Variants in DLG2 observed in about 807,000 individuals in gnomAD.
DLG2 encodes disks large homolog 2.
In DLG2, 45 loss-of-function variants were observed where a neutral mutation model predicts 132.5. The observed-to-expected ratio is 0.34, with a 90% CI of 0.27 to 0.44. The LOEUF (loss-of-function observed/expected upper bound fraction) is 0.44, where lower values mean the gene tolerates loss of function less well. DLG2 is among the 20% of genes least tolerant of loss of function. The probability of loss-of-function intolerance (pLI) is 1.00; values close to 1 mark genes in which losing one functional copy is unlikely to be tolerated. For synonymous variants in DLG2, 424 were observed against 419.6 expected (o/e 1.01, Z -0.13); for missense variants, 1,045 against 1,196.9 (o/e 0.87, Z 1.87).
At chr11:84,353,319 C>G (rs969594890) in intron 7 of DLG2, among the ~76,000 whole-genome samples, 14 of 152,146 alleles carry the variant, frequency 9.2e-5, no homozygotes, top group Admixed American at 1.3e-4. Context: ...AAACTGAACT[C>G]GCCTTCTTCC....
intron 3 of DLG2, among the ~76,000 whole-genome samples, chr11:85,320,329 G>T (rs1235607489): frequency 6.6e-6 from 1 of 151,900 alleles, no homozygotes; most frequent in Non-Finnish European, 1.5e-5. Context: ...AATTTTCAGA[G>T]CATGTAAGTA....
chr11:85,622,416 CT>C (rs1429163166), intron 2 of DLG2, among the ~76,000 whole-genome samples: 3 of 152,006 alleles, frequency 2.0e-5, no homozygotes, highest in Non-Finnish European at 2.9e-5. Context: ...CATATTCCCC[CT>C]CTTATTGATT....
At chr11:84,219,111 C>A (rs916752105) in intron 8 of DLG2, among the ~76,000 whole-genome samples, 13 of 152,198 alleles carry the variant, frequency 8.5e-5, no homozygotes, top group Admixed American at 6.5e-4. Flanking sequence ...GCTGACTCTA[C>A]CTTCAGAGAA....
intron 5 of DLG2, among the ~76,000 whole-genome samples, chr11:85,126,926 G>C (rs1453163272): frequency 6.6e-6 from 1 of 152,110 alleles, no homozygotes; most frequent in African/African-American, 2.4e-5. Flanking sequence ...TAGTAAAAGG[G>C]GAAACCATTA....
At chr11:83,478,733 A>C (rs2137070741) in intron 22 of DLG2, among the ~76,000 whole-genome samples, 2 of 152,166 alleles carry the variant, frequency 1.3e-5, no homozygotes, top group Middle Eastern at 6.8e-3. Context: ...CTTTTTCGAT[A>C]CCTGTGTCTA....
chr11:83,772,347 T>C (rs1276929481), intron 18 of DLG2, among the ~76,000 whole-genome samples: 1 of 150,668 alleles, frequency 6.6e-6, no homozygotes, highest in African/African-American at 2.4e-5. Context: ...GAGGTGGAAG[T>C]TGCACTGAGC....
At chr11:83,517,401 T>C (rs1359617273) in intron 21 of DLG2, among the ~76,000 whole-genome samples, 1 of 152,180 alleles carries the variant, frequency 6.6e-6, no homozygotes. Context: ...TCTGCATTGG[T>C]TATTCTAGCT....
chr11:84,778,576 C>T (rs532712274), intron 6 of DLG2, among the ~76,000 whole-genome samples: 50 of 152,158 alleles, frequency 3.3e-4, no homozygotes, highest in African/African-American at 9.4e-4. Context: ...TCTTCCAGTC[C>T]GTGAGAATGA....
At chr11:83,681,107 A>C (rs933159447) in intron 18 of DLG2, among the ~76,000 whole-genome samples, 1 of 152,172 alleles carries the variant, frequency 6.6e-6, no homozygotes, top group Non-Finnish European at 1.5e-5. Flanking sequence ...CATTTGAAAA[A>C]AATGTCCTTG....
intron 6 of DLG2, among the ~76,000 whole-genome samples, chr11:84,923,964 G>C (rs1199622117): frequency 6.6e-6 from 1 of 152,104 alleles, no homozygotes; most frequent in African/African-American, 2.4e-5. Flanking sequence ...GGTTGAAATG[G>C]AGACAGAAGA....
chr11:85,394,209 G>T (rs182604227), intron 3 of DLG2, among the ~76,000 whole-genome samples: 2 of 152,224 alleles, frequency 1.3e-5, no homozygotes, highest in East Asian at 3.9e-4. Flanking sequence ...TAAAACAAAT[G>T]AGGTAATATA....
In DLG2 at chr11:83,790,591, T is replaced by G; in HGVS notation, c.1723-3799A>C. ...TCAGCCATGTGGGCTTCTGTGCCAG[T>G]AAGTCCACTGAAGTTCCTTTGGATT... On this transcript the variant is annotated intron_variant, in intron 17 of 27. Transcript: ENST00000376104. The G allele has an allele frequency of 2.3e-6, 3 of 1,320,380 alleles. No homozygotes were observed. The South Asian group carries it at 3.5e-5, about 16-fold the overall frequency. 81.8% of individuals were successfully genotyped at this position (1,320,380 alleles called of 1,614,324 possible). A position where few individuals can be genotyped will look rare whatever the true frequency, so the allele number is the denominator to read the frequency against.
rs1487772154 is a variant in DLG2 at position 83,457,019 on chromosome 11, A to C, written c.*2799T>G. 5.9e-5 allele frequency: 9 copies of C among 152,794 alleles called. No homozygotes were observed. Among genetic ancestry groups the C allele is most frequent in the South Asian group, 2.1e-4 (1 of 4,824 alleles). 9.5% of individuals were successfully genotyped at this position (152,794 alleles called of 1,614,324 possible). A position where few individuals can be genotyped will look rare whatever the true frequency, so the allele number is the denominator to read the frequency against. ...ACAAATGGAATTTTGATTTTGGTAA[A>C]GCTGAGACCCCCGTGGTGCTACACA... On this transcript the variant is annotated 3_prime_UTR_variant, in exon 28 of 28. Transcript: ENST00000376104.
At chr11:83,559,135 A>G (rs1463656915) in intron 19 of DLG2, among the ~76,000 whole-genome samples, 4 of 152,142 alleles carry the variant, frequency 2.6e-5, no homozygotes, top group Non-Finnish European at 5.9e-5. Flanking sequence ...AAGAAAGATG[A>G]AAATAAAAGC....
chr11:85,234,728 A>T (rs899467696), intron 4 of DLG2, among the ~76,000 whole-genome samples: 2 of 152,012 alleles, frequency 1.3e-5, no homozygotes, highest in Non-Finnish European at 2.9e-5. Flanking sequence ...TGGCCTGGAA[A>T]TCATGCCTCA....
intron 21 of DLG2, among the ~76,000 whole-genome samples, chr11:83,528,342 G>A (rs1213278793): frequency 6.6e-6 from 1 of 152,124 alleles, no homozygotes; most frequent in African/African-American, 2.4e-5. Context: ...CTGATAGCCA[G>A]GCCTTCCATA....
chr11:85,566,937 C>T (rs1306119767), intron 3 of DLG2, among the ~76,000 whole-genome samples: 2 of 152,088 alleles, frequency 1.3e-5, no homozygotes, highest in African/African-American at 4.8e-5. Flanking sequence ...TTTTCTTTCC[C>T]CCTTGAATGG....
intron 4 of DLG2, among the ~76,000 whole-genome samples, chr11:85,249,842 G>C (rs1158604528): frequency 6.6e-6 from 1 of 152,134 alleles, no homozygotes; most frequent in Non-Finnish European, 1.5e-5. Flanking sequence ...TCCTTGTAGT[G>C]GGACTTCATT....
At chr11:85,086,537 A>G (rs2067949753) in intron 6 of DLG2, among the ~76,000 whole-genome samples, 1 of 152,182 alleles carries the variant, frequency 6.6e-6, no homozygotes, top group South Asian at 2.1e-4. Context: ...AAGACACAAT[A>G]ATGTTACCAA....
Sources: gnomAD v4.1 joint callset for allele counts (sites outside exome capture counted in the v4.1 genomes callset) on GRCh38, gnomAD v4.1.1 for gene constraint, MANE v1.5 for transcripts, NCBI Gene and HGNC (gene_info 2026-07-23, HGNC 2026-07-21) for gene names.